Variants in NRXN3 observed in about 807,000 individuals in gnomAD.
The protein encoded by NRXN3 is neurexin 3.
NRXN3 carries 32 observed loss-of-function variants against 137.6 expected under a neutral mutation model. That is an observed-to-expected ratio of 0.23 (90% CI 0.18 to 0.31). The LOEUF (loss-of-function observed/expected upper bound fraction) is 0.31. Ranked by LOEUF, NRXN3 falls within the 10% of genes least tolerant of loss-of-function variation. NRXN3 has a pLI of 1.00. For missense variants in NRXN3, 1,574 were observed against 2,062.5 expected (o/e 0.76, Z 4.59); for synonymous variants, 798 against 784.5 (o/e 1.02, Z -0.29).
chr14:79,668,370 C>T (rs779064570), intron 17 of NRXN3, among the ~76,000 whole-genome samples: 35 of 152,016 alleles, frequency 2.3e-4, no homozygotes, highest in Non-Finnish European at 2.1e-4. Context: ...CTCACTCCAT[C>T]CTGTGAAGGA....
intron 10 of NRXN3, among the ~76,000 whole-genome samples, chr14:78,825,858 A>AAAAGTC (rs1215924915): frequency 6.6e-6 from 1 of 152,200 alleles, no homozygotes; most frequent in African/African-American, 2.4e-5. Flanking sequence ...GTCTCACTGA[A>AAAAGTC]AGTAAGGTCA....
At chr14:79,489,454 CT>C (rs1328584704) in intron 16 of NRXN3, among the ~76,000 whole-genome samples, 1 of 152,082 alleles carries the variant, frequency 6.6e-6, no homozygotes, top group African/African-American at 2.4e-5. Context: ...AGGAAAAAAT[CT>C]TTGTGGAGTT....
intron 16 of NRXN3, among the ~76,000 whole-genome samples, chr14:79,475,455 C>G: frequency 6.6e-6 from 1 of 152,036 alleles, no homozygotes; most frequent in East Asian, 1.9e-4. Flanking sequence ...TCCTGAGCAT[C>G]ATTCATTTTA....
intron 15 of NRXN3, among the ~76,000 whole-genome samples, chr14:79,130,117 C>G (rs991381673): frequency 6.6e-6 from 1 of 151,206 alleles, no homozygotes; most frequent in African/African-American, 2.4e-5. Flanking sequence ...ACTGATGGGT[C>G]TTGACTCTTT....
intron 15 of NRXN3, among the ~76,000 whole-genome samples, chr14:79,465,449 G>T (rs921523352): frequency 3.3e-5 from 5 of 152,148 alleles, no homozygotes; most frequent in African/African-American, 4.8e-5. Flanking sequence ...TATACAAATT[G>T]AGCAAATTGG....
At chr14:79,422,947 C>T (rs1256471688) in intron 15 of NRXN3, among the ~76,000 whole-genome samples, 1 of 152,094 alleles carries the variant, frequency 6.6e-6, no homozygotes, top group East Asian at 1.9e-4. Flanking sequence ...ATCCACCCGC[C>T]TTGGCCTCTC....
At chr14:79,056,073 T>C (rs1366472549) in intron 15 of NRXN3, among the ~76,000 whole-genome samples, 2 of 152,196 alleles carry the variant, frequency 1.3e-5, no homozygotes, top group Non-Finnish European at 2.9e-5. Context: ...TAGGAGGTTC[T>C]TGCCATAATA....
chr14:79,605,826 C>T (rs1362843200), intron 16 of NRXN3, among the ~76,000 whole-genome samples: 6 of 152,116 alleles, frequency 3.9e-5, no homozygotes, highest in Admixed American at 3.3e-4. Context: ...TGGTACAACA[C>T]CCTGCGTATG....
intron 15 of NRXN3, among the ~76,000 whole-genome samples, chr14:79,120,551 C>T (rs1406390789): frequency 6.6e-6 from 1 of 151,918 alleles, no homozygotes; most frequent in East Asian, 1.9e-4. Context: ...AAAAATCAAA[C>T]CATAGAAAAG....
At position 79,861,697 on chromosome 14, in the gene NRXN3, G is replaced by C. The variant is rs143519887; in HGVS notation, c.4449G>C (p.Pro1483=). 44 of 1,614,128 alleles carry C rather than the reference G, an allele frequency of 2.7e-5. No individual in the cohort carries two copies. Among genetic ancestry groups the C allele is most frequent in the Non-Finnish European group, 3.5e-5 (41 of 1,180,034 alleles). The part of the protein sequence containing the change: ...NPTEPGIRRV[P]GASEVIRESS... ...CGGAGCCGGGAATCAGACGGGTTCC[G>C]GGGGCCTCAGAGGTGATCCGGGAGT... The change falls in exon 21 of 21, where the codon CCG becomes CCC. Residue 1483 remains proline, a synonymous_variant. Coordinates refer to ENST00000335750, the MANE Select transcript of NRXN3 (RefSeq NM_001330195.2). This position sits in a 1 kb window ranked among gnomAD's most constrained non-coding sequence, Gnocchi z 5.4.
At chr14:78,391,182 T>G (rs1397094414) in intron 4 of NRXN3, among the ~76,000 whole-genome samples, 1 of 152,184 alleles carries the variant, frequency 6.6e-6, no homozygotes. Context: ...CTTGTCACTG[T>G]TCCTCTGCAT....
At chr14:78,583,127 C>A (rs953940733) in intron 4 of NRXN3, among the ~76,000 whole-genome samples, 2 of 152,080 alleles carry the variant, frequency 1.3e-5, no homozygotes, top group African/African-American at 4.8e-5. Context: ...GGGGCCCACC[C>A]GGGACCGTCA....
intron 15 of NRXN3, among the ~76,000 whole-genome samples, chr14:79,332,213 T>G (rs1212390591): frequency 2.0e-5 from 3 of 152,220 alleles, no homozygotes; most frequent in Non-Finnish European, 4.4e-5. Context: ...AAAACCGCAA[T>G]GATTTTCGCA....
intron 16 of NRXN3, among the ~76,000 whole-genome samples, chr14:79,496,702 A>G (rs1238572666): frequency 6.6e-6 from 1 of 152,108 alleles, no homozygotes; most frequent in African/African-American, 2.4e-5. Flanking sequence ...TTAGAGGTAA[A>G]ACTGTGATAG....
At chr14:79,709,979 T>A (rs1266933339) in intron 19 of NRXN3, among the ~76,000 whole-genome samples, 1 of 152,034 alleles carries the variant, frequency 6.6e-6, no homozygotes, top group Non-Finnish European at 1.5e-5. Flanking sequence ...GAGGGAGAAA[T>A]GAACAAGGAC....
intron 8 of NRXN3, among the ~76,000 whole-genome samples, chr14:78,768,559 T>A (rs1052904175): frequency 4.6e-5 from 7 of 152,188 alleles, no homozygotes; most frequent in Non-Finnish European, 1.0e-4. Flanking sequence ...AAAAGTTTAC[T>A]GGCAGAAATA....
chr14:78,948,628 CTT>C (rs201010514), intron 10 of NRXN3, among the ~76,000 whole-genome samples: 2,414 of 108,370 alleles, frequency 0.022, 23 homozygotes, highest in African/African-American at 0.068. Context: ...ACACATTTAA[CTT>C]TTTTTTTTTT....
At chr14:79,360,928 G>A (rs553488666) in intron 15 of NRXN3, among the ~76,000 whole-genome samples, 4 of 152,276 alleles carry the variant, frequency 2.6e-5, no homozygotes, top group African/African-American at 9.6e-5. Flanking sequence ...ATAAATGGTA[G>A]TGATTTTCAC....
At chr14:78,481,118 G>T (rs1567712520) in intron 4 of NRXN3, among the ~76,000 whole-genome samples, 1 of 152,148 alleles carries the variant, frequency 6.6e-6, no homozygotes, top group East Asian at 1.9e-4. Context: ...TTATATTCTG[G>T]TGTGCAAGTG....
Sources: allele counts gnomAD v4.1 joint callset (sites outside exome capture counted in the v4.1 genomes callset), GRCh38; gene constraint gnomAD v4.1.1; non-coding constraint Gnocchi (gnomAD v3.1); transcripts MANE v1.5; gene names NCBI Gene and HGNC (gene_info 2026-07-23, HGNC 2026-07-21).